TMCC1: variants seen among roughly 807,000 people sequenced by gnomAD.
TMCC1 encodes the protein transmembrane and coiled-coil domains protein 1.
A neutral mutation model predicts 52.4 loss-of-function variants in TMCC1; 15 were observed. That is an observed-to-expected ratio of 0.29 (90% CI 0.19 to 0.44). TMCC1 has a LOEUF of 0.44. Among genes scored for constraint, TMCC1 ranks in the 20% least tolerant of loss-of-function variants. The pLI, the probability that TMCC1 is intolerant of heterozygous loss-of-function variation, is 1.00. For missense variants in TMCC1, 503 were observed against 806.0 expected, an observed-to-expected ratio of 0.62 and a Z score of 4.55; for synonymous variants, 279 against 301.9, an observed-to-expected ratio of 0.92 and a Z score of 0.79.
intron 4 of TMCC1, among the ~76,000 whole-genome samples, chr3:129,703,254 G>A (rs1361801156): frequency 1.3e-5 from 2 of 152,198 alleles, no homozygotes; most frequent in Admixed American, 6.5e-5. Flanking sequence ...ATAGGAAGGT[G>A]AAAACAGATA....
chr3:129,703,384 A>T (rs1445658355), intron 4 of TMCC1, among the ~76,000 whole-genome samples: 2 of 152,226 alleles, frequency 1.3e-5, no homozygotes, highest in Admixed American at 1.3e-4. Flanking sequence ...CTTAAAATAC[A>T]ACTACAACTA....
chr3:129,890,910 T>C (rs73863906), intron 1 of TMCC1, among the ~76,000 whole-genome samples: 5,442 of 152,316 alleles, frequency 0.036, 321 homozygotes, highest in African/African-American at 0.13. Flanking sequence ...TCTTACTCCA[T>C]GGGTACTGTA....
At chr3:129,772,621 G>A (rs1451338526) in intron 4 of TMCC1, among the ~76,000 whole-genome samples, 2 of 151,140 alleles carry the variant, frequency 1.3e-5, no homozygotes, top group Non-Finnish European at 2.9e-5. Context: ...TACTCAGGAG[G>A]CTGAGGCAGG....
chr3:129,740,481 C>G (rs766745760), intron 4 of TMCC1, among the ~76,000 whole-genome samples: 1 of 152,176 alleles, frequency 6.6e-6, no homozygotes, highest in Non-Finnish European at 1.5e-5. Flanking sequence ...TACTTCCTTT[C>G]TGGTATGACT....
At chr3:129,845,497 G>A (rs1255531024) in intron 2 of TMCC1, among the ~76,000 whole-genome samples, 3 of 152,024 alleles carry the variant, frequency 2.0e-5, no homozygotes, top group African/African-American at 4.8e-5. Context: ...TTCCTCAGAA[G>A]TCTATAATTT....
In TMCC1 at chr3:129,649,410, G is replaced by T. The variant is rs2086197291; in HGVS notation, c.*2071C>A. On this transcript the variant is annotated 3_prime_UTR_variant, in exon 7 of 7. Transcript: ENST00000393238. The stretch of plus-strand genomic sequence containing the variant: ...GACAATTTGTTTTTGGCATGAACAT[G>T]AATTGGTTCTAATTTTTTTTTTTTT... The T allele has an allele frequency of 6.6e-6, 1 of 152,090 alleles. No individual in the cohort carries two copies. The highest frequency in any genetic ancestry group is 2.1e-4 in the South Asian group (1 of 4,826). 9.4% of individuals were successfully genotyped at this position (152,090 alleles called of 1,614,324 possible). A position where few individuals can be genotyped will look rare whatever the true frequency, so the allele number is the denominator to read the frequency against.
intron 4 of TMCC1, among the ~76,000 whole-genome samples, chr3:129,677,670 A>G (rs1181186662): frequency 2.0e-5 from 3 of 152,228 alleles, no homozygotes; most frequent in Admixed American, 1.3e-4. Flanking sequence ...AATAGGGTCT[A>G]TGATAATCTG....
chr3:129,874,386 G>T (rs2061084204), intron 2 of TMCC1, among the ~76,000 whole-genome samples: 1 of 152,138 alleles, frequency 6.6e-6, no homozygotes, highest in African/African-American at 2.4e-5. Context: ...TCCACAAGCT[G>T]CCACTTACGG....
At chr3:129,864,177 A>G (rs916317538) in intron 2 of TMCC1, among the ~76,000 whole-genome samples, 1 of 152,220 alleles carries the variant, frequency 6.6e-6, no homozygotes, top group Middle Eastern at 3.4e-3. Flanking sequence ...GAAGGTTGGG[A>G]GCCCACATAG....
At chr3:129,670,042 A>C (rs1303572477) in intron 5 of TMCC1, among the ~76,000 whole-genome samples, 1 of 152,238 alleles carries the variant, frequency 6.6e-6, no homozygotes, top group Non-Finnish European at 1.5e-5. Context: ...TTTTGAATTC[A>C]ATGTAGTACA....
At chr3:129,667,440 G>A (rs969541401) in intron 5 of TMCC1, among the ~76,000 whole-genome samples, 1 of 151,894 alleles carries the variant, frequency 6.6e-6, no homozygotes, top group Non-Finnish European at 1.5e-5. Flanking sequence ...GGAAAAAAAG[G>A]GCTTTCTTTC....
At chr3:129,769,947 A>C (rs2054420437) in intron 4 of TMCC1, among the ~76,000 whole-genome samples, 1 of 152,206 alleles carries the variant, frequency 6.6e-6, no homozygotes, top group Admixed American at 6.5e-5. Context: ...TAGCAATTAA[A>C]GATATTTCTA....
chr3:129,874,916 C>G (rs1209820524), intron 2 of TMCC1, among the ~76,000 whole-genome samples: 1 of 152,106 alleles, frequency 6.6e-6, no homozygotes, highest in African/African-American at 2.4e-5. Flanking sequence ...GAACCTTTCT[C>G]TTCATAATCA....
intron 5 of TMCC1, among the ~76,000 whole-genome samples, chr3:129,658,897 A>G (rs1262299109): frequency 1.3e-5 from 2 of 152,090 alleles, no homozygotes; most frequent in African/African-American, 2.4e-5. Context: ...TCTAATAGCT[A>G]TGTCTAACAA....
chr3:129,665,853 C>T (rs2087405997), intron 5 of TMCC1, among the ~76,000 whole-genome samples: 1 of 152,180 alleles, frequency 6.6e-6, no homozygotes, highest in Non-Finnish European at 1.5e-5. Context: ...TACAATTTAC[C>T]TGTAGGGCCT....
intron 4 of TMCC1, among the ~76,000 whole-genome samples, chr3:129,799,532 C>T (rs1356753980): frequency 4.6e-5 from 7 of 152,054 alleles, no homozygotes; most frequent in South Asian, 4.2e-4. Flanking sequence ...TTTCTGGGGC[C>T]GGGCACGGTG....
At chr3:129,657,948 A>G (rs1006499006) in intron 5 of TMCC1, among the ~76,000 whole-genome samples, 1 of 152,254 alleles carries the variant, frequency 6.6e-6, no homozygotes, top group African/African-American at 2.4e-5. Flanking sequence ...AAAAGCTTGT[A>G]CATGAATGTT....
At chr3:129,835,514 G>A (rs115985864) in intron 2 of TMCC1, among the ~76,000 whole-genome samples, 139 of 152,212 alleles carry the variant, frequency 9.1e-4, no homozygotes, top group African/African-American at 3.2e-3. Context: ...CAATAATAAC[G>A]TGTGATGAGG....
intron 4 of TMCC1, among the ~76,000 whole-genome samples, chr3:129,704,504 C>T (rs1005505570): frequency 2.0e-5 from 3 of 152,122 alleles, no homozygotes; most frequent in East Asian, 1.9e-4. Context: ...CTGCAACCTC[C>T]GCCTCCCAGG....
Sources: allele counts gnomAD v4.1 joint callset (sites outside exome capture counted in the v4.1 genomes callset), GRCh38; gene constraint gnomAD v4.1.1; transcripts MANE v1.5; gene names NCBI Gene and HGNC (gene_info 2026-07-23, HGNC 2026-07-21).